LEPROTL1: variants seen among roughly 807,000 people sequenced by gnomAD.
The protein encoded by LEPROTL1 is leptin receptor overlapping transcript like 1, also known as leptin receptor overlapping transcript-like 1.
LEPROTL1 carries 6 observed loss-of-function variants against 15.4 expected under a neutral mutation model. That is an observed-to-expected ratio of 0.39 (90% CI 0.21 to 0.77). The LOEUF is 0.77. LEPROTL1 is among the 30% of genes least tolerant of loss of function. The pLI is 0.41. For missense variants in LEPROTL1, 128 were observed against 158.1 expected (o/e 0.81, Z 1.02); for synonymous variants, 56 against 52.6 (o/e 1.06, Z -0.28).
At position 30,107,610 on chromosome 8, in the gene LEPROTL1, G is replaced by A. The variant is rs919747629; in HGVS notation, c.*1748G>A. On this transcript the variant is annotated 3_prime_UTR_variant, in exon 4 of 4. Transcript: ENST00000321250. Reference sequence around the variant, plus strand: ...ACGGGAAGCAGGACGAAATATCGGCGTGTGGCTGGAGCCTTCCCACTGGAG... The same window carrying A: ...ACGGGAAGCAGGACGAAATATCGGCATGTGGCTGGAGCCTTCCCACTGGAG... 1.6e-5 allele frequency: 16 copies of A among 985,712 alleles called. No homozygotes were observed. The highest frequency in any genetic ancestry group is 1.1e-4 in the East Asian group (1 of 8,832). 61.1% of individuals were successfully genotyped at this position (985,712 alleles called of 1,614,324 possible).
chr8:30,117,573 C>A, intron 3 of LEPROTL1: 2 of 1,395,734 alleles, frequency 1.4e-6, no homozygotes, highest in Non-Finnish European at 2.0e-6. Context: ...CTTGTTTAGC[C>A]TGTCTGTGAG....
intron 3 of LEPROTL1, among the ~76,000 whole-genome samples, chr8:30,124,997 T>G (rs1802884627): frequency 6.6e-6 from 1 of 152,202 alleles, no homozygotes; most frequent in African/African-American, 2.4e-5. Flanking sequence ...GGCTAATGAA[T>G]CCACTTAAGG....
chr8:30,117,382 C>T (rs1032291849), intron 3 of LEPROTL1: 16 of 1,245,140 alleles, frequency 1.3e-5, no homozygotes, highest in Admixed American at 3.4e-5. Context: ...TGCATTACAT[C>T]CCTAGAAAAA....
Position 30,137,054 on chromosome 8 carries a change from A to G in LEPROTL1, c.395-218A>G, listed in dbSNP as rs555820400. On this transcript the variant is annotated intron_variant, in intron 4 of 4. Transcript: ENST00000442880. ...GTATAGTCAGGAGGATGGCAAAGCAAGTGAACCAACCGCAGGCTAGAATCA... is the reference window on the plus strand; with the variant it reads ...GTATAGTCAGGAGGATGGCAAAGCAGGTGAACCAACCGCAGGCTAGAATCA... Among the ~76,000 whole-genome samples, 9 of 152,278 alleles carry G rather than the reference A, an allele frequency of 5.9e-5. No individual in the cohort carries two copies. In the South Asian group the frequency reaches 1.9e-3, roughly 32 times the overall value.
At chr8:30,137,510 T>C in exon 5 of LEPROTL1, 1 of 1,540,406 alleles carries the variant, frequency 6.5e-7, no homozygotes, top group South Asian at 1.2e-5. Context: ...TGACAACTAC[T>C]GCTCAGTGCC....
At chr8:30,108,767 A>AC (rs1166901639), downstream of LEPROTL1, among the ~76,000 whole-genome samples, 1 of 151,844 alleles carries the variant, frequency 6.6e-6, no homozygotes, top group East Asian at 1.9e-4. Flanking sequence ...AGCTGGGATT[A>AC]CAGGCATAGG....
chr8:30,096,064 A>G (rs1391724307), intron 1 of LEPROTL1, among the ~76,000 whole-genome samples: 1 of 152,160 alleles, frequency 6.6e-6, no homozygotes, highest in Admixed American at 6.5e-5. Context: ...CAGGCTCCCG[A>G]AACGGGTGCA....
At position 30,107,811 on chromosome 8, in the gene LEPROTL1, T is replaced by C. The variant is rs1802593923; in HGVS notation, c.*1949T>C. 1 of 985,288 alleles carries C rather than the reference T, an allele frequency of 1.0e-6. No homozygotes were observed. Among genetic ancestry groups the C allele is most frequent in the Non-Finnish European group, 1.2e-6 (1 of 829,920 alleles). 61.0% of individuals were successfully genotyped at this position (985,288 alleles called of 1,614,324 possible). A position where few individuals can be genotyped will look rare whatever the true frequency, so the allele number is the denominator to read the frequency against. ...CCCTATTTTCTGTTCTGGATGTCAG[T>C]GCAGTGCACTGCTACTGTTTTATCC... On this transcript the variant is annotated 3_prime_UTR_variant, in exon 4 of 4. Transcript: ENST00000321250.
intron 3 of LEPROTL1, among the ~76,000 whole-genome samples, chr8:30,121,213 T>C (rs759443107): frequency 1.1e-4 from 17 of 152,108 alleles, no homozygotes; most frequent in Non-Finnish European, 1.9e-4. Flanking sequence ...TTGTGTGTTT[T>C]GTTGTTTATT....
At chr8:30,136,276 C>T (rs977183547) in intron 4 of LEPROTL1, among the ~76,000 whole-genome samples, 1 of 152,140 alleles carries the variant, frequency 6.6e-6, no homozygotes, top group Non-Finnish European at 1.5e-5. Context: ...TGCACAGAGT[C>T]CTTATGAGAA....
chr8:30,130,799 A>ATTTTTT (rs1254939386), intron 3 of LEPROTL1, among the ~76,000 whole-genome samples: 1 of 76,838 alleles, frequency 1.3e-5, no homozygotes, highest in Non-Finnish European at 2.9e-5. Flanking sequence ...TTTTTTTTTG[A>ATTTTTT]GGTGGAATCT....
intron 3 of LEPROTL1, among the ~76,000 whole-genome samples, chr8:30,127,890 G>A (rs1054564263): frequency 1.5e-4 from 23 of 151,962 alleles, no homozygotes; most frequent in African/African-American, 3.4e-4. Flanking sequence ...TAAAAAGAGC[G>A]GGTGGGGTGT....
intron 3 of LEPROTL1, among the ~76,000 whole-genome samples, chr8:30,121,555 A>G (rs2117514235): frequency 6.6e-6 from 1 of 152,312 alleles, no homozygotes; most frequent in African/African-American, 2.4e-5. Context: ...CGCCCAGCCT[A>G]GATATTGTTA....
Position 30,124,419 on chromosome 8 carries a change from C to T in LEPROTL1, c.280-7956C>T, listed in dbSNP as rs531048550. 5.9e-5 allele frequency among the ~76,000 whole-genome samples: 9 copies of T among 152,264 alleles called. No homozygotes were observed. The South Asian group carries it at 1.4e-3, about 25-fold the overall frequency. On this transcript the variant is annotated intron_variant, in intron 3 of 4. Transcript: ENST00000442880. Reference sequence around the variant, plus strand: ...TTCTGAACACATGGCTGTTCTGTTTCGTCCATGTATTCTCCATTCTCTCTA... The same window carrying T: ...TTCTGAACACATGGCTGTTCTGTTTTGTCCATGTATTCTCCATTCTCTCTA...
At chr8:30,119,717 C>T (rs186624981) in intron 3 of LEPROTL1, among the ~76,000 whole-genome samples, 30 of 152,188 alleles carry the variant, frequency 2.0e-4, no homozygotes, top group South Asian at 1.2e-3. Flanking sequence ...CATCTATATA[C>T]GAAAATATTA....
intron 1 of LEPROTL1, chr8:30,096,199 TC>T: frequency 1.3e-6 from 1 of 775,784 alleles, no homozygotes. Flanking sequence ...TTTCTTTTTT[TC>T]CTTTTTTTTT....
chr8:30,106,021 CAG>C lies in LEPROTL1; in HGVS notation c.*163_*164del, dbSNP rs1246545300. ...TTTTATTGTAAGCATACTATTTTCA[CAG>C]AGACTTGCTGAAGGATTAAAAGGAT... On this transcript the variant is annotated 3_prime_UTR_variant, in exon 4 of 4. Coordinates refer to ENST00000321250, the MANE Select transcript of LEPROTL1 (RefSeq NM_015344.3). The C allele has an allele frequency of 8.2e-7, 1 of 1,214,764 alleles. No individual in the cohort carries two copies. Among genetic ancestry groups the C allele is most frequent in the Non-Finnish European group, 1.0e-6 (1 of 967,172 alleles). The allele number at this position is 1,214,764 out of a possible 1,614,324, so 75.2% of individuals were successfully genotyped here. A position where few individuals can be genotyped will look rare whatever the true frequency, so the allele number is the denominator to read the frequency against.
chr8:30,108,112 T>G lies in LEPROTL1; in HGVS notation c.*2250T>G. ...TGAAATGAAAATATATGGCACACTT[T>G]CATTCTGAAGTGCATTAACATTCTA... On this transcript the variant is annotated 3_prime_UTR_variant, in exon 4 of 4. Coordinates refer to ENST00000321250, the MANE Select transcript of LEPROTL1 (RefSeq NM_015344.3). 2 of 606,078 alleles carry G rather than the reference T, an allele frequency of 3.3e-6. No individual in the cohort carries two copies. The highest frequency in any genetic ancestry group is 7.4e-5 in the South Asian group (1 of 13,558). 37.5% of individuals were successfully genotyped at this position (606,078 alleles called of 1,614,324 possible).
At chr8:30,100,545 G>A (rs746924667) in intron 1 of LEPROTL1, among the ~76,000 whole-genome samples, 2 of 152,194 alleles carry the variant, frequency 1.3e-5, no homozygotes, top group Admixed American at 6.5e-5. Context: ...CGCCTCCCGG[G>A]TTCAAGCAAT....
Sources: allele counts gnomAD v4.1 joint callset (sites outside exome capture counted in the v4.1 genomes callset), GRCh38; gene constraint gnomAD v4.1.1; transcripts MANE v1.5; gene names NCBI Gene and HGNC (gene_info 2026-07-23, HGNC 2026-07-21).